The following LARS2 variants were observed in gnomAD, a reference collection of about 807,000 sequenced individuals.
LARS2 encodes the protein leucine--tRNA ligase, mitochondrial.
LARS2 carries 81 observed loss-of-function variants against 116.6 expected under a neutral mutation model. The ratio of observed to expected loss-of-function variants is 0.69; its 90% CI spans 0.58 to 0.84. The LOEUF (loss-of-function observed/expected upper bound fraction) is 0.84. Ranked by LOEUF, LARS2 falls within the 40% of genes least tolerant of loss-of-function variation. The pLI is 0.00. For missense variants in LARS2, 968 were observed against 1,114.5 expected (o/e 0.87, Z 1.87); for synonymous variants, 396 against 407.2 (o/e 0.97, Z 0.33).
At chr3:45,541,443 T>G (rs1250374371) in intron 20 of LARS2, among the ~76,000 whole-genome samples, 7 of 152,184 alleles carry the variant, frequency 4.6e-5, no homozygotes, top group Non-Finnish European at 1.0e-4. Flanking sequence ...GACCATAGAA[T>G]GCATAGGCAA....
chr3:45,429,021 A>G (rs914939456), intron 6 of LARS2, among the ~76,000 whole-genome samples: 30 of 152,258 alleles, frequency 2.0e-4, no homozygotes, highest in Admixed American at 1.8e-3. Flanking sequence ...ATTAACAGTA[A>G]TTCCATAATG....
intron 21 of LARS2, among the ~76,000 whole-genome samples, chr3:45,546,090 C>T (rs940027211): frequency 1.3e-5 from 2 of 152,134 alleles, no homozygotes; most frequent in African/African-American, 4.8e-5. Context: ...AGGTGGTGGC[C>T]CAGAGGAGAT....
At chr3:45,472,297 T>C (rs1436910151) in intron 8 of LARS2, among the ~76,000 whole-genome samples, 1 of 152,244 alleles carries the variant, frequency 6.6e-6, no homozygotes, top group African/African-American at 2.4e-5. Flanking sequence ...GAAACTGTAC[T>C]GAGCCTATGA....
At chr3:45,391,196 C>T (rs1369244458) in intron 1 of LARS2, among the ~76,000 whole-genome samples, 1 of 151,942 alleles carries the variant, frequency 6.6e-6, no homozygotes, top group Admixed American at 6.6e-5. Context: ...ATTAAATATT[C>T]ATCTGTGGTC....
intron 19 of LARS2, among the ~76,000 whole-genome samples, chr3:45,522,980 G>A (rs1700476676): frequency 6.6e-6 from 1 of 152,104 alleles, no homozygotes; most frequent in Admixed American, 6.6e-5. Flanking sequence ...TGTGTAATAA[G>A]CATTTATATA....
chr3:45,493,204 A>G (rs1278397647), intron 13 of LARS2, among the ~76,000 whole-genome samples: 1 of 151,692 alleles, frequency 6.6e-6, no homozygotes, highest in Admixed American at 6.6e-5. Context: ...CGTTCACACC[A>G]TTATCCTGCC....
chr3:45,440,982 G>A (rs1213294966), intron 6 of LARS2, among the ~76,000 whole-genome samples: 2 of 151,144 alleles, frequency 1.3e-5, no homozygotes, highest in South Asian at 2.1e-4. Flanking sequence ...TGAGTGGTAC[G>A]GTAATGAAGC....
intron 21 of LARS2, among the ~76,000 whole-genome samples, chr3:45,542,812 A>G (rs953716222): frequency 2.0e-5 from 3 of 152,272 alleles, no homozygotes; most frequent in African/African-American, 7.2e-5. Flanking sequence ...CTCTGGGGAT[A>G]CAAAATCAAG....
chr3:45,438,790 G>C (rs1206192930), intron 6 of LARS2, among the ~76,000 whole-genome samples: 1 of 151,896 alleles, frequency 6.6e-6, no homozygotes, highest in Admixed American at 6.6e-5. Flanking sequence ...AGCTGAGATC[G>C]CGCCACTGCA....
At chr3:45,428,743 A>C (rs187315234) in intron 6 of LARS2, among the ~76,000 whole-genome samples, 2 of 152,196 alleles carry the variant, frequency 1.3e-5, no homozygotes. Flanking sequence ...TTTTATTATA[A>C]CAATACAAAT....
intron 15 of LARS2, among the ~76,000 whole-genome samples, chr3:45,511,037 C>T (rs1345951655): frequency 6.6e-6 from 1 of 152,106 alleles, no homozygotes; most frequent in Non-Finnish European, 1.5e-5. Context: ...GTTCTGAGCA[C>T]CAGGAGTGCT....
At chr3:45,442,194 C>A (rs1698924841) in intron 6 of LARS2, among the ~76,000 whole-genome samples, 1 of 152,168 alleles carries the variant, frequency 6.6e-6, no homozygotes. Context: ...TATTTGACTT[C>A]TGTGGTGGTC....
chr3:45,499,052 G>T (rs1700071270), intron 14 of LARS2, among the ~76,000 whole-genome samples: 1 of 152,118 alleles, frequency 6.6e-6, no homozygotes, highest in African/African-American at 2.4e-5. Flanking sequence ...CCATAACTTG[G>T]GGAGGCCGAG....
intron 8 of LARS2, among the ~76,000 whole-genome samples, chr3:45,461,714 G>A (rs150998341): frequency 1.3e-5 from 2 of 152,304 alleles, no homozygotes; most frequent in East Asian, 3.9e-4. Flanking sequence ...GTAGAGAGAA[G>A]TGAGTAGGTT....
chr3:45,459,422 T>A (rs1699273915), intron 8 of LARS2, among the ~76,000 whole-genome samples: 1 of 152,190 alleles, frequency 6.6e-6, no homozygotes, highest in African/African-American at 2.4e-5. Context: ...CCGGCCTCCA[T>A]GAGAGAAGGC....
At chr3:45,389,272 C>T (rs553536442) in intron 1 of LARS2, among the ~76,000 whole-genome samples, 9 of 151,820 alleles carry the variant, frequency 5.9e-5, no homozygotes, top group African/African-American at 1.9e-4. Flanking sequence ...CTGCCTCCTA[C>T]TCAGGAGAAC....
chr3:45,461,897 G>T (rs186423774), intron 8 of LARS2, among the ~76,000 whole-genome samples: 22 of 152,304 alleles, frequency 1.4e-4, no homozygotes, highest in Admixed American at 9.8e-4. Context: ...TTTGAGTAGA[G>T]ATATGAAATA....
rs1218248217 is a variant in LARS2, at chr3:45,541,877, C to T, written c.2453C>T (p.Ala818Val). The change falls in exon 21 of 22, where the codon GCC becomes GTC. Residue 818 changes from alanine to valine, a missense_variant. By Grantham distance (64) the Ala-to-Val change is moderately conservative. Coordinates refer to ENST00000645846, the MANE Select transcript of LARS2 (RefSeq NM_015340.4). ...CTCTGTGCCCACTACACTTGGGATG[C>T]CAGTGTGCTGCTCCAGGCATGGCCT... ...RKLCAHYTWD[A>V]SVLLQAWPAV... 1.2e-6 allele frequency: 2 copies of T among 1,614,216 alleles called. No homozygotes were observed. Among genetic ancestry groups the T allele is most frequent in the Admixed American group, 3.3e-5 (2 of 60,034 alleles).
rs36044906 is a variant in LARS2, at chr3:45,484,649, T to TATATATATATATATATATATA, written c.1019-1043_1019-1042insATATATATATATATATATATA. Among the ~76,000 whole-genome samples the TATATATATATATATATATATA allele has an allele frequency of 2.0e-3, 74 of 37,436 alleles. 4 individuals carry two copies. The highest frequency in any genetic ancestry group is 8.1e-3 in the South Asian group (6 of 738). 24.6% of individuals were successfully genotyped at this position (37,436 alleles called of 152,430 possible). A position where few individuals can be genotyped will look rare whatever the true frequency, so the allele number is the denominator to read the frequency against. On this transcript the variant is annotated intron_variant, in intron 10 of 21. Transcript: ENST00000645846. ...AAAAAAAATATATATATATATATATTTAAAATAAGATGTTATTTTAAATAA... is the reference window on the plus strand; with the variant it reads ...AAAAAAAATATATATATATATATATTATATATATATATATATATATATAAAATAAGATGTTATTTTAAATAA...
Sources: allele counts gnomAD v4.1 joint callset (sites outside exome capture counted in the v4.1 genomes callset), GRCh38; gene constraint gnomAD v4.1.1; transcripts MANE v1.5; gene names NCBI Gene and HGNC (gene_info 2026-07-23, HGNC 2026-07-21).